CDC42BPB: variants seen among roughly 807,000 people sequenced by gnomAD.
CDC42BPB encodes CDC42 binding protein kinase beta.
CDC42BPB carries 37 observed loss-of-function variants against 214.9 expected under a neutral mutation model. That is an observed-to-expected ratio of 0.17 (90% confidence interval 0.13 to 0.23). The LOEUF (loss-of-function observed/expected upper bound fraction) is 0.23. Ranked by LOEUF, CDC42BPB falls within the 10% of genes least tolerant of loss-of-function variation. CDC42BPB has a pLI of 1.00. For synonymous variants in CDC42BPB, 931 were observed against 884.0 expected (o/e 1.05, Z -0.94); for missense variants, 1,694 against 2,227.0 (o/e 0.76, Z 4.82).
chr14:103,036,990 G>T (rs1887700435), intron 1 of CDC42BPB, among the ~76,000 whole-genome samples: 1 of 150,662 alleles, frequency 6.6e-6, no homozygotes, highest in Non-Finnish European at 1.5e-5. Context: ...TAATTTTTGT[G>T]TTTTTTTTTG....
intron 1 of CDC42BPB, among the ~76,000 whole-genome samples, chr14:103,016,872 C>T (rs1886495085): frequency 6.6e-6 from 1 of 152,068 alleles, no homozygotes; most frequent in South Asian, 2.1e-4. Flanking sequence ...CCAGTGTGGA[C>T]CATGGTCTCT....
chr14:102,979,301 C>A (rs1197967661), intron 8 of CDC42BPB, among the ~76,000 whole-genome samples: 1 of 151,988 alleles, frequency 6.6e-6, no homozygotes, highest in Non-Finnish European at 1.5e-5. Flanking sequence ...CAACTTCCAC[C>A]TCTTGGGTTC....
At chr14:102,957,508 G>A (rs1280274196) in intron 21 of CDC42BPB, among the ~76,000 whole-genome samples, 3 of 152,214 alleles carry the variant, frequency 2.0e-5, no homozygotes, top group Non-Finnish European at 4.4e-5. Flanking sequence ...CCGCAGCAAC[G>A]AGAGAGGCAA....
In CDC42BPB at chr14:102,970,215, C is replaced by T; in HGVS notation, c.1931G>A (p.Arg644His). 3.7e-6 allele frequency: 6 copies of T among 1,613,704 alleles called. No individual in the cohort carries two copies. Among genetic ancestry groups the T allele is most frequent in the Non-Finnish European group, 3.4e-6 (4 of 1,179,880 alleles). Reference protein sequence around the residue: ...DDAVAEASKERKLREHSENFC... With the variant: ...DDAVAEASKEHKLREHSENFC... ...GTTCTCGCTGTGCTCACGAAGCTTG[C>T]GCTCCTTGGAGGCCTCAGCAACAGC... Residue 644 changes from arginine to histidine, a missense_variant, in exon 14 of 37, where the codon CGC becomes CAC. Arg to His is a conservative substitution (Grantham distance 29). This residue lies in a region of CDC42BPB where 462 missense variants were observed against 513.5 expected (regional missense o/e 0.90). Coordinates refer to ENST00000361246, the MANE Select transcript of CDC42BPB (RefSeq NM_006035.4).
intron 9 of CDC42BPB, among the ~76,000 whole-genome samples, chr14:102,977,465 C>T (rs1044913178): frequency 6.6e-6 from 1 of 152,012 alleles, no homozygotes; most frequent in Non-Finnish European, 1.5e-5. Flanking sequence ...CTTCCATTGT[C>T]TCATTTCACC....
At chr14:103,047,118 T>C (rs1474109412) in intron 1 of CDC42BPB, among the ~76,000 whole-genome samples, 1 of 151,136 alleles carries the variant, frequency 6.6e-6, no homozygotes, top group East Asian at 2.0e-4. Context: ...ATCCCATCTC[T>C]ACTGAAAATA....
At chr14:102,942,298 A>G (rs1308662416) in intron 30 of CDC42BPB, among the ~76,000 whole-genome samples, 1 of 152,124 alleles carries the variant, frequency 6.6e-6, no homozygotes, top group Admixed American at 6.6e-5. Flanking sequence ...CCGTGGGTGG[A>G]GCTGGCCGTG....
chr14:102,938,010 G>A (rs1891716407), intron 36 of CDC42BPB, 94 bp downstream of exon 36: 2 of 1,335,946 alleles, frequency 1.5e-6, no homozygotes, highest in Non-Finnish European at 2.1e-6. Context: ...CTCCAAAAGG[G>A]CTGTGACACC....
intron 25 of CDC42BPB, 104 bp downstream of exon 25, chr14:102,950,362 C>T: frequency 1.4e-6 from 2 of 1,446,080 alleles, no homozygotes; most frequent in South Asian, 1.2e-5. Flanking sequence ...GCACCAGGGC[C>T]ACCTGCCGCA....
intron 2 of CDC42BPB, among the ~76,000 whole-genome samples, chr14:103,011,886 C>T (rs973435883): frequency 5.3e-5 from 8 of 152,074 alleles, no homozygotes; most frequent in African/African-American, 1.9e-4. Flanking sequence ...GAGGCCGAGG[C>T]GGGGAGATCA....
At chr14:102,947,175 A>T (rs183886360) in intron 27 of CDC42BPB, among the ~76,000 whole-genome samples, 103 of 152,312 alleles carry the variant, frequency 6.8e-4, no homozygotes, top group African/African-American at 2.3e-3. Flanking sequence ...ATTTAGTAAA[A>T]GCTAATTTAT....
intron 6 of CDC42BPB, chr14:102,986,208 C>G: frequency 2.8e-6 from 1 of 352,712 alleles, no homozygotes; most frequent in South Asian, 3.0e-5. Context: ...GGCTGGCATG[C>G]TTTTAGCCAC....
chr14:102,969,718 C>T (rs1362349555), intron 14 of CDC42BPB, among the ~76,000 whole-genome samples: 1 of 152,264 alleles, frequency 6.6e-6, no homozygotes, highest in Non-Finnish European at 1.5e-5. Context: ...CTGCTACCCT[C>T]CAGCCCCACC....
At chr14:102,976,119 TC>T (rs1893731545) in intron 9 of CDC42BPB, 70 bp from the exon 10 acceptor site, 1 of 1,577,058 alleles carries the variant, frequency 6.3e-7, no homozygotes, top group Admixed American at 1.8e-5. Context: ...TTTTCAATCT[TC>T]CTGAGGTGAA....
rs1251604879 is a variant in CDC42BPB at position 103,017,106 on chromosome 14, G to C, written c.176-4918C>G. Among the ~76,000 whole-genome samples, 5 of 152,226 alleles carry C rather than the reference G, an allele frequency of 3.3e-5. No individual in the cohort carries two copies. In the East Asian group the frequency reaches 9.6e-4, roughly 29 times the overall value. ...GGAGGCTGAGGCAAGAGGACTGCTT[G>C]AGCCCAGGAGTTCAAGACCAGCCTG... On this transcript the variant is annotated intron_variant, in intron 1 of 36. Coordinates refer to ENST00000361246, the MANE Select transcript of CDC42BPB (RefSeq NM_006035.4).
At chr14:102,961,047 G>GT (rs1892934301) in intron 20 of CDC42BPB, among the ~76,000 whole-genome samples, 1 of 152,076 alleles carries the variant, frequency 6.6e-6, no homozygotes, top group South Asian at 2.1e-4. Flanking sequence ...CGTGCCTGTA[G>GT]TCCCAGCTAC....
chr14:102,935,438 A>G (rs901457961), intron 36 of CDC42BPB, among the ~76,000 whole-genome samples: 1 of 152,258 alleles, frequency 6.6e-6, no homozygotes, highest in African/African-American at 2.4e-5. Flanking sequence ...CATTGCTGAA[A>G]AAATAGCTTA....
Position 102,952,522 on chromosome 14 carries a change from T to C in CDC42BPB, c.3148A>G (p.Ile1050Val). The change falls in exon 24 of 37, where the codon ATC becomes GTC. Residue 1050 changes from isoleucine (I) to valine (V), a missense_variant. Ile to Val is a conservative substitution (Grantham distance 29, BLOSUM62 3). This residue lies in a region of CDC42BPB where 567 missense variants were observed against 790.3 expected (regional missense o/e 0.72). Transcript: ENST00000361246. ...CCCTCGCAGGCGTAGCCCTGCCGGA[T>C]CAGCCCAACCATCAGGGAGGTGCAG... Reference protein sequence around the residue: ...SHCTSLMVGLIRQGYACEVCS... With the variant: ...SHCTSLMVGLVRQGYACEVCS... The C allele has an allele frequency of 1.2e-6, 2 of 1,613,356 alleles. No homozygotes were observed. Among genetic ancestry groups the C allele is most frequent in the Non-Finnish European group, 1.7e-6 (2 of 1,179,518 alleles).
intron 2 of CDC42BPB, among the ~76,000 whole-genome samples, chr14:103,010,254 T>C (rs763398947): frequency 2.6e-5 from 4 of 152,150 alleles, no homozygotes; most frequent in Non-Finnish European, 5.9e-5. Flanking sequence ...GCCAGCACAC[T>C]CCAGCCTGGG....
Sources: allele counts gnomAD v4.1 joint callset (sites outside exome capture counted in the v4.1 genomes callset), GRCh38; gene constraint gnomAD v4.1.1; regional missense constraint gnomAD v4.1.1; transcripts MANE v1.5; gene names NCBI Gene and HGNC (gene_info 2026-07-23, HGNC 2026-07-21).